SMOX: variants seen among roughly 807,000 people sequenced by gnomAD.
The protein encoded by SMOX is spermine oxidase.
A neutral mutation model predicts 51.0 loss-of-function variants in SMOX; 22 were observed. The ratio of observed to expected loss-of-function variants is 0.43; its 90% CI spans 0.31 to 0.62. The LOEUF (loss-of-function observed/expected upper bound fraction) is 0.62, where lower values mean the gene tolerates loss of function less well. Ranked by LOEUF, SMOX falls within the 20% of genes least tolerant of loss-of-function variation. The pLI, the probability that SMOX is intolerant of heterozygous loss-of-function variation, is 0.10. For missense variants in SMOX, 566 were observed against 777.7 expected (o/e 0.73, Z 3.24); for synonymous variants, 282 against 307.8 (o/e 0.92, Z 0.88).
chr20:4,176,008 C>T (rs1369785830), intron 2 of SMOX: 1 of 149,796 alleles, frequency 6.7e-6, no homozygotes, highest in Non-Finnish European at 1.5e-5. Flanking sequence ...CTACATTGAT[C>T]CTCTAGAGGA....
intron 1 of SMOX, among the ~76,000 whole-genome samples, chr20:4,165,722 C>A (rs1452130227): frequency 1.3e-5 from 2 of 152,048 alleles, no homozygotes; most frequent in Non-Finnish European, 2.9e-5. Context: ...CCCCATTTGA[C>A]AAATGGGGAA....
chr20:4,168,910 A>ATTTTG (rs1986699683), intron 1 of SMOX, among the ~76,000 whole-genome samples: 2 of 130,176 alleles, frequency 1.5e-5, no homozygotes, highest in Non-Finnish European at 1.5e-5. Flanking sequence ...ATTTTATTTT[A>ATTTTG]TTTTATTTTA....
chr20:4,181,145 C>T lies in SMOX; in HGVS notation c.436-658C>T, dbSNP rs556799798. On this transcript the variant is annotated intron_variant, in intron 3 of 6. Transcript: ENST00000305958. This position sits in a 1 kb window ranked among gnomAD's most constrained non-coding sequence, Gnocchi z 5.6. ...GCTGGAGTTCTTGCTGAAACGTGCC[C>T]GTGAAATGCATCTCCCTTCCTTGGC... 2.6e-5 allele frequency among the ~76,000 whole-genome samples: 4 copies of T among 152,248 alleles called. No individual in the cohort carries two copies. The highest frequency in any genetic ancestry group is 2.6e-4 in the Admixed American group (4 of 15,290).
chr20:4,160,427 A>G (rs1986253750), intron 1 of SMOX, among the ~76,000 whole-genome samples: 1 of 152,172 alleles, frequency 6.6e-6, no homozygotes, highest in Non-Finnish European at 1.5e-5. Flanking sequence ...CGGAGCAGGG[A>G]TTGAGCAGTG....
At chr20:4,163,317 A>G (rs2122441352) in intron 1 of SMOX, among the ~76,000 whole-genome samples, 1 of 152,082 alleles carries the variant, frequency 6.6e-6, no homozygotes, top group South Asian at 2.1e-4. Context: ...ACTGGTTGGG[A>G]GAAGTTCCTG....
chr20:4,176,439 G>A (rs559902405), intron 2 of SMOX, among the ~76,000 whole-genome samples: 1 of 152,336 alleles, frequency 6.6e-6, no homozygotes, highest in South Asian at 2.1e-4. Context: ...GCAAAGGGGT[G>A]TGTGTACAAA....
At chr20:4,155,775 A>G (rs1985993911) in intron 1 of SMOX, among the ~76,000 whole-genome samples, 1 of 152,114 alleles carries the variant, frequency 6.6e-6, no homozygotes, top group African/African-American at 2.4e-5. Flanking sequence ...TGGTGGGTTG[A>G]GTCCCCCCAG....
chr20:4,183,716 C>T lies in SMOX; in HGVS notation c.1530+62C>T. On this transcript the variant is annotated intron_variant, in intron 6 of 6. Transcript: ENST00000305958. The surrounding 1 kb of genome is among the most constrained non-coding windows in gnomAD (Gnocchi z 4.3). ...GGTGTATTTTGTATGTGTGTCCGGT[C>T]CAGGGTGAGGAGGGCTAGGGTAGTG... is the stretch of plus-strand genomic sequence containing the variant. The T allele has an allele frequency of 3.3e-6, 5 of 1,510,096 alleles. No individual in the cohort carries two copies. The highest frequency in any genetic ancestry group is 4.4e-6 in the Non-Finnish European group (5 of 1,136,538). The allele number at this position is 1,510,096 out of a possible 1,614,324, so 93.5% of individuals were successfully genotyped here.
At chr20:4,162,161 G>A (rs1050773487) in intron 1 of SMOX, among the ~76,000 whole-genome samples, 5 of 152,222 alleles carry the variant, frequency 3.3e-5, no homozygotes, top group African/African-American at 9.6e-5. Context: ...AGCGCAGGGC[G>A]GCCCGGGTGG....
In SMOX at chr20:4,181,630, G is replaced by T. The variant is rs1038794563; in HGVS notation, c.436-173G>T. ...CGGAGGCGAGGAGGTGGCTGCCCGG[G>T]GCCTTGGCTTTTGGTGCAGCATTGA... is the stretch of plus-strand genomic sequence containing the variant. On this transcript the variant is annotated intron_variant, in intron 3 of 6. Transcript: ENST00000305958. The surrounding 1 kb of genome is among the most constrained non-coding windows in gnomAD (Gnocchi z 5.6). 1.3e-5 allele frequency among the ~76,000 whole-genome samples: 2 copies of T among 152,156 alleles called. No individual in the cohort carries two copies. The highest frequency in any genetic ancestry group is 6.5e-5 in the Admixed American group (1 of 15,284).
At chr20:4,180,803 T>C (rs2122569471) in intron 3 of SMOX, among the ~76,000 whole-genome samples, 1 of 152,310 alleles carries the variant, frequency 6.6e-6, no homozygotes, top group Non-Finnish European at 1.5e-5. Flanking sequence ...GTCTCTCAGC[T>C]GCCCAGGGTT....
intron 1 of SMOX, among the ~76,000 whole-genome samples, chr20:4,164,330 A>G (rs529770372): frequency 3.3e-4 from 50 of 152,286 alleles, no homozygotes; most frequent in African/African-American, 1.2e-3. Flanking sequence ...CTGTAGGAAA[A>G]CATAAGGACT....
At chr20:4,154,916 A>C (rs1483072695) in intron 1 of SMOX, among the ~76,000 whole-genome samples, 1 of 151,804 alleles carries the variant, frequency 6.6e-6, no homozygotes, top group East Asian at 1.9e-4. Flanking sequence ...TGTGAGATGC[A>C]GGGGCCACTC....
Position 4,172,119 on chromosome 20 carries a change from C to T in SMOX, c.-26-2911C>T, listed in dbSNP as rs558711036. ...TGCTACACCCTGACCCCCATAGCAG[C>T]TTTTTAAGAAGGGGTTCCACCAGTA... On this transcript the variant is annotated intron_variant, in intron 1 of 6. Transcript: ENST00000305958. The surrounding 1 kb of genome is among the most constrained non-coding windows in gnomAD (Gnocchi z 7.7). Among the ~76,000 whole-genome samples the T allele has an allele frequency of 2.0e-4, 30 of 152,212 alleles. No homozygotes were observed. The highest frequency in any genetic ancestry group is 4.1e-4 in the Non-Finnish European group (28 of 68,028).
intron 6 of SMOX, chr20:4,186,882 C>T (rs373895129): frequency 1.0e-5 from 8 of 773,626 alleles, no homozygotes; most frequent in Non-Finnish European, 1.4e-5. Flanking sequence ...CTTCCAGGTT[C>T]TAAGTGCTTT....
Position 4,182,555 on chromosome 20 carries a change from G to A in SMOX, c.1076G>A (p.Arg359His), listed in dbSNP as rs148610229. ...LPTEKVAAIH[R>H]LGIGTTDKIF... ...ACAGAGAAGGTGGCTGCCATCCACC[G>A]CCTGGGCATTGGCACCACCGACAAG... Residue 359 changes from arginine (R) to histidine (H), a missense_variant, in exon 5 of 7, where the codon CGC becomes CAC. Transcript: ENST00000305958. The surrounding 1 kb of genome is among the most constrained non-coding windows in gnomAD (Gnocchi z 8.4). 15 of 1,613,630 alleles carry A rather than the reference G, an allele frequency of 9.3e-6. No homozygotes were observed. Among genetic ancestry groups the A allele is most frequent in the African/African-American group, 5.3e-5 (4 of 74,846 alleles).
At chr20:4,159,353 C>A (rs528053338) in intron 1 of SMOX, among the ~76,000 whole-genome samples, 1 of 152,274 alleles carries the variant, frequency 6.6e-6, no homozygotes, top group East Asian at 1.9e-4. Context: ...TTCAAGTGAT[C>A]CGCCCACTTC....
At chr20:4,178,769 C>T (rs781015368) in intron 3 of SMOX, among the ~76,000 whole-genome samples, 33 of 151,722 alleles carry the variant, frequency 2.2e-4, no homozygotes, top group Non-Finnish European at 4.7e-4. Context: ...CCGCAACCTC[C>T]GCCTCCCAGG....
chr20:4,183,400 G>A lies in SMOX; in HGVS notation c.1370-94G>A. The A allele has an allele frequency of 6.3e-7, 1 of 1,587,256 alleles. No individual in the cohort carries two copies. The highest frequency in any genetic ancestry group is 1.1e-5 in the South Asian group (1 of 90,088). Reference sequence around the variant, plus strand: ...GGCAGTCTGGTCCTCCCGGAGCCCTGGAGGTGGGGTGGGGGGTTGTCCCTT... The same window carrying A: ...GGCAGTCTGGTCCTCCCGGAGCCCTAGAGGTGGGGTGGGGGGTTGTCCCTT... On this transcript the variant is annotated intron_variant, in intron 5 of 6. Transcript: ENST00000305958. The surrounding 1 kb of genome is among the most constrained non-coding windows in gnomAD (Gnocchi z 4.3).
Sources: gnomAD v4.1 joint callset for allele counts (sites outside exome capture counted in the v4.1 genomes callset) on GRCh38, gnomAD v4.1.1 for gene constraint, Gnocchi (gnomAD v3.1) non-coding constraint, MANE v1.5 for transcripts, NCBI Gene and HGNC (gene_info 2026-07-23, HGNC 2026-07-21) for gene names.